The following GNAQ variants were observed in gnomAD, a reference collection of about 807,000 sequenced individuals.
The protein encoded by GNAQ is guanine nucleotide-binding protein G(q) subunit alpha.
A neutral mutation model predicts 43.9 loss-of-function variants in GNAQ; 8 were observed. The ratio of observed to expected loss-of-function variants is 0.18; its 90% CI spans 0.11 to 0.33. The LOEUF (loss-of-function observed/expected upper bound fraction) is 0.33, where lower values mean the gene tolerates loss of function less well. GNAQ is among the 10% of genes least tolerant of loss of function. The pLI is 1.00. For missense variants in GNAQ, 158 were observed against 450.8 expected, an observed-to-expected ratio of 0.35 and a Z score of 5.88; for synonymous variants, 155 against 170.7, an observed-to-expected ratio of 0.91 and a Z score of 0.71.
At chr9:77,905,095 T>C (rs1044919160) in intron 2 of GNAQ, among the ~76,000 whole-genome samples, 3 of 152,160 alleles carry the variant, frequency 2.0e-5, no homozygotes, top group Non-Finnish European at 4.4e-5. Context: ...TCATCCTCTA[T>C]TACCAAGAAA....
At chr9:77,909,716 C>G (rs1828768943) in intron 2 of GNAQ, among the ~76,000 whole-genome samples, 1 of 151,258 alleles carries the variant, frequency 6.6e-6, no homozygotes. Context: ...GCATATGCAT[C>G]TTACAAAGTG....
rs1396087716 is a variant in GNAQ at position 78,031,417 on chromosome 9, G to A, written c.-182C>T. 1.3e-5 allele frequency: 3 copies of A among 232,216 alleles called. No individual in the cohort carries two copies. Among genetic ancestry groups the A allele is most frequent in the Admixed American group, 5.8e-5 (1 of 17,284 alleles). The allele number at this position is 232,216 out of a possible 1,614,324, so 14.4% of individuals were successfully genotyped here. On this transcript the variant is annotated 5_prime_UTR_variant, in exon 1 of 7. Coordinates refer to ENST00000286548, the MANE Select transcript of GNAQ (RefSeq NM_002072.5). ...CGGCGGCCAGGGCCGGGGCCACCAG[G>A]TGGGCCGGGGGCGCGGTGGGAGCGG... is the stretch of plus-strand genomic sequence containing the variant.
chr9:77,876,984 T>C (rs1828136032), intron 2 of GNAQ, among the ~76,000 whole-genome samples: 1 of 151,306 alleles, frequency 6.6e-6, no homozygotes, highest in Non-Finnish European at 1.5e-5. Context: ...ATATCTATTA[T>C]TATCATCAAT....
chr9:77,984,327 G>A (rs201436305), intron 1 of GNAQ, among the ~76,000 whole-genome samples: 1 of 151,700 alleles, frequency 6.6e-6, no homozygotes, highest in East Asian at 2.0e-4. Flanking sequence ...GCACCACCAC[G>A]TGGCTAATTT....
intron 5 of GNAQ, among the ~76,000 whole-genome samples, chr9:77,765,952 G>A (rs1338366167): frequency 6.6e-6 from 1 of 152,194 alleles, no homozygotes; most frequent in Admixed American, 6.5e-5. Context: ...AAATCTTGAT[G>A]ACATTATGCT....
At chr9:77,998,333 T>C (rs1823602136) in intron 1 of GNAQ, among the ~76,000 whole-genome samples, 1 of 152,232 alleles carries the variant, frequency 6.6e-6, no homozygotes, top group African/African-American at 2.4e-5. Flanking sequence ...TACCTACTCT[T>C]TCAAACAGAT....
At chr9:77,950,154 G>A (rs879753086) in intron 1 of GNAQ, among the ~76,000 whole-genome samples, 14 of 152,188 alleles carry the variant, frequency 9.2e-5, no homozygotes, top group East Asian at 1.9e-4. Context: ...TGCTTCTCTG[G>A]AGGCAATTAG....
intron 6 of GNAQ, among the ~76,000 whole-genome samples, chr9:77,723,284 C>CTGTT (rs1825347248): frequency 1.3e-5 from 2 of 152,200 alleles, no homozygotes; most frequent in Non-Finnish European, 2.9e-5. Context: ...CTCTTGTGCA[C>CTGTT]TGTTGGGAAT....
chr9:77,763,107 TAAA>T (rs1209929419), intron 5 of GNAQ, among the ~76,000 whole-genome samples: 44 of 86,876 alleles, frequency 5.1e-4, no homozygotes, highest in African/African-American at 1.9e-3. Flanking sequence ...AAAATAAAAT[TAAA>T]AAAAAACAAA....
intron 1 of GNAQ, among the ~76,000 whole-genome samples, chr9:77,957,733 T>C (rs745883104): frequency 2.4e-4 from 36 of 152,080 alleles, no homozygotes; most frequent in Non-Finnish European, 4.4e-4. Flanking sequence ...ACTAGCATCA[T>C]AGGATGAAGG....
chr9:77,770,946 T>G (rs1826213916), intron 5 of GNAQ, among the ~76,000 whole-genome samples: 1 of 150,540 alleles, frequency 6.6e-6, no homozygotes, highest in Admixed American at 6.6e-5. Context: ...AAATAAAACA[T>G]TTTTCATTTT....
chr9:77,877,667 T>TA (rs1828145960), intron 2 of GNAQ, among the ~76,000 whole-genome samples: 1 of 152,214 alleles, frequency 6.6e-6, no homozygotes, highest in African/African-American at 2.4e-5. Flanking sequence ...ATTCTGTACT[T>TA]AAAATAACTA....
chr9:77,970,408 C>T (rs1037690888), intron 1 of GNAQ, among the ~76,000 whole-genome samples: 4 of 152,154 alleles, frequency 2.6e-5, no homozygotes, highest in Non-Finnish European at 2.9e-5. Flanking sequence ...CAACTGCACA[C>T]ACACATCAGG....
intron 5 of GNAQ, among the ~76,000 whole-genome samples, chr9:77,742,677 G>GTGAT (rs1185079568): frequency 6.6e-6 from 1 of 151,892 alleles, no homozygotes; most frequent in African/African-American, 2.4e-5. Context: ...AGTGCGATGG[G>GTGAT]TGATAGATCC....
Position 77,716,995 on chromosome 9 carries a change from A to G in GNAQ, c.*4328T>C. On this transcript the variant is annotated 3_prime_UTR_variant, in exon 7 of 7. Transcript: ENST00000286548. ...ACAAGTTTAGGGTCTGTACTAAGTT[A>G]TCTACTAAACAGCAGGTGTCTGGCT... is the stretch of plus-strand genomic sequence containing the variant. 4.3e-6 allele frequency: 1 copy of G among 232,830 alleles called. No individual in the cohort carries two copies. Among genetic ancestry groups the G allele is most frequent in the Non-Finnish European group, 8.5e-6 (1 of 117,796 alleles). The allele number at this position is 232,830 out of a possible 1,614,324, so 14.4% of individuals were successfully genotyped here. A position where few individuals can be genotyped will look rare whatever the true frequency, so the allele number is the denominator to read the frequency against.
At chr9:77,809,782 T>A (rs7040473) in intron 3 of GNAQ, among the ~76,000 whole-genome samples, 1 of 152,172 alleles carries the variant, frequency 6.6e-6, no homozygotes, top group Non-Finnish European at 1.5e-5. Context: ...CTAATCAAAG[T>A]AGAAGGGAAG....
chr9:77,946,728 G>A (rs1822904643), intron 1 of GNAQ, among the ~76,000 whole-genome samples: 1 of 152,200 alleles, frequency 6.6e-6, no homozygotes, highest in African/African-American at 2.4e-5. Flanking sequence ...CCTTAAAGCA[G>A]TTGCTATACG....
intron 5 of GNAQ, among the ~76,000 whole-genome samples, chr9:77,736,250 A>G (rs1036474075): frequency 1.3e-5 from 2 of 152,204 alleles, no homozygotes; most frequent in African/African-American, 2.4e-5. Flanking sequence ...CAAAATCTCT[A>G]AAGATGCTCA....
intron 5 of GNAQ, among the ~76,000 whole-genome samples, chr9:77,745,026 C>T (rs1034582334): frequency 1.3e-5 from 2 of 152,168 alleles, no homozygotes; most frequent in African/African-American, 4.8e-5. Flanking sequence ...ATCACCTTTC[C>T]ATATTTCAAT....
Sources: gnomAD v4.1 joint callset for allele counts (sites outside exome capture counted in the v4.1 genomes callset) on GRCh38, gnomAD v4.1.1 for gene constraint, MANE v1.5 for transcripts, NCBI Gene and HGNC (gene_info 2026-07-23, HGNC 2026-07-21) for gene names.